AK8: variants seen among roughly 807,000 people sequenced by gnomAD.
AK8 encodes the protein adenylate kinase 8.
Under a neutral mutation model 54.6 loss-of-function variants are expected in AK8, and 44 were observed. The ratio of observed to expected loss-of-function variants is 0.81; its 90% CI spans 0.63 to 1.04. The LOEUF is 1.04. AK8 is among the 50% of genes least tolerant of loss of function. The pLI is 0.00. For missense variants in AK8, 555 were observed against 613.6 expected (o/e 0.90, Z 1.01); for synonymous variants, 239 against 245.6 (o/e 0.97, Z 0.25).
At chr9:132,839,824 G>GGT (rs200009863) in intron 5 of AK8, among the ~76,000 whole-genome samples, 2 of 147,588 alleles carry the variant, frequency 1.4e-5, no homozygotes, top group Non-Finnish European at 3.0e-5. Flanking sequence ...TTTTGCCGGG[G>GGT]GGGGGGGCGC....
intron 11 of AK8, among the ~76,000 whole-genome samples, chr9:132,764,433 C>T (rs1838631892): frequency 6.6e-6 from 1 of 151,870 alleles, no homozygotes; most frequent in South Asian, 2.1e-4. Flanking sequence ...GCTTGATTAA[C>T]AAGAAAAAAA....
Position 132,868,564 on chromosome 9 carries a change from G to A in AK8, c.170-1611C>T, listed in dbSNP as rs374764768. On this transcript the variant is annotated intron_variant, in intron 2 of 12. Coordinates refer to ENST00000298545, the MANE Select transcript of AK8 (RefSeq NM_152572.3). ...TTGTTCTCACTCCCTGTGGAGGCCC[G>A]TGATCAAGTGATGGGCTGCCACAGT... Among the ~76,000 whole-genome samples, 17 of 152,160 alleles carry A rather than the reference G, an allele frequency of 1.1e-4. No individual in the cohort carries two copies. The East Asian group carries it at 2.7e-3, about 24-fold the overall frequency.
At chr9:132,834,542 A>C (rs1842239056) in intron 5 of AK8, among the ~76,000 whole-genome samples, 2 of 152,204 alleles carry the variant, frequency 1.3e-5, no homozygotes, top group Admixed American at 1.3e-4. Flanking sequence ...TCCACATTCC[A>C]CATGTATGAC....
chr9:132,781,520 CG>C lies in AK8; in HGVS notation c.1121+11113del, dbSNP rs1564398220. 6.6e-6 allele frequency among the ~76,000 whole-genome samples: 1 copy of C among 151,952 alleles called. No individual in the cohort carries two copies. Among genetic ancestry groups the C allele is most frequent in the Non-Finnish European group, 1.5e-5 (1 of 68,014 alleles). ...ATACACTGAGTAGCTTACCCTTCCC[CG>C]ATAACTCTATTTACTAGTGTGAATA... On this transcript the variant is annotated intron_variant, in intron 11 of 12. Transcript: ENST00000298545. The surrounding 1 kb of genome is among the most constrained non-coding windows in gnomAD (Gnocchi z 4.6).
chr9:132,842,896 T>C (rs1842600651), intron 5 of AK8, among the ~76,000 whole-genome samples: 1 of 152,244 alleles, frequency 6.6e-6, no homozygotes, highest in Non-Finnish European at 1.5e-5. Context: ...AGACCAGCCA[T>C]GTGGGCTTCT....
At chr9:132,823,918 A>G (rs1194381644) in intron 8 of AK8, among the ~76,000 whole-genome samples, 1 of 152,242 alleles carries the variant, frequency 6.6e-6, no homozygotes, top group Non-Finnish European at 1.5e-5. Context: ...GGTGACACCA[A>G]CTTTGTTGCG....
chr9:132,736,483 T>C (rs1444026126), intron 11 of AK8, among the ~76,000 whole-genome samples: 1 of 148,838 alleles, frequency 6.7e-6, no homozygotes, highest in Non-Finnish European at 1.5e-5. Flanking sequence ...CCACTGTGCC[T>C]GGCCAATCAG....
intron 11 of AK8, among the ~76,000 whole-genome samples, chr9:132,787,077 G>A (rs1262788503): frequency 6.6e-6 from 1 of 151,978 alleles, no homozygotes; most frequent in Non-Finnish European, 1.5e-5. Flanking sequence ...AAAACAAAAA[G>A]CAGCAACTGA....
chr9:132,792,052 G>A (rs1020577536), intron 11 of AK8, among the ~76,000 whole-genome samples: 6 of 152,172 alleles, frequency 3.9e-5, no homozygotes, highest in Admixed American at 2.0e-4. Flanking sequence ...CTGCCAAAAC[G>A]CCAAGCAATG....
At chr9:132,853,127 C>T (rs946334619) in intron 5 of AK8, among the ~76,000 whole-genome samples, 4 of 151,824 alleles carry the variant, frequency 2.6e-5, no homozygotes, top group African/African-American at 4.8e-5. Flanking sequence ...GAGGCCAAGG[C>T]GGGTGGATCA....
At chr9:132,737,068 C>T (rs1251771011) in intron 11 of AK8, among the ~76,000 whole-genome samples, 1 of 151,866 alleles carries the variant, frequency 6.6e-6, no homozygotes, top group Non-Finnish European at 1.5e-5. Flanking sequence ...GATGTTTGTA[C>T]AACAATGTGA....
intron 11 of AK8, among the ~76,000 whole-genome samples, chr9:132,762,596 AC>A (rs1838531719): frequency 6.6e-6 from 1 of 152,134 alleles, no homozygotes; most frequent in Non-Finnish European, 1.5e-5. Context: ...AGTAACAGAA[AC>A]CCTGGTGAGC....
At chr9:132,735,573 G>A (rs752191541) in intron 11 of AK8, among the ~76,000 whole-genome samples, 3 of 152,072 alleles carry the variant, frequency 2.0e-5, no homozygotes, top group East Asian at 1.9e-4. Flanking sequence ...AACCCATAAA[G>A]TAAGTGTTGG....
intron 11 of AK8, among the ~76,000 whole-genome samples, chr9:132,759,961 C>T (rs1838375878): frequency 1.9e-5 from 1 of 52,810 alleles, no homozygotes; most frequent in Non-Finnish European, 3.8e-5. Context: ...GAACCACTAC[C>T]AACAATTTGG....
intron 10 of AK8, among the ~76,000 whole-genome samples, chr9:132,804,643 C>T (rs1485786147): frequency 3.3e-5 from 5 of 152,186 alleles, no homozygotes; most frequent in Non-Finnish European, 7.3e-5. Flanking sequence ...TGTCCCTCTG[C>T]TCCCATCTTG....
intron 9 of AK8, among the ~76,000 whole-genome samples, chr9:132,815,315 T>C (rs1841278380): frequency 6.6e-6 from 1 of 152,194 alleles, no homozygotes; most frequent in Non-Finnish European, 1.5e-5. Flanking sequence ...CCCAGCTTTT[T>C]GGCTGAGGCG....
chr9:132,848,097 C>A (rs974921744), intron 5 of AK8, among the ~76,000 whole-genome samples: 1 of 110,552 alleles, frequency 9.0e-6, no homozygotes, highest in Non-Finnish European at 1.7e-5. Context: ...GCCTGGGCAA[C>A]AGAGCAACAC....
At chr9:132,825,199 C>T (rs1841823285) in intron 8 of AK8, among the ~76,000 whole-genome samples, 1 of 152,194 alleles carries the variant, frequency 6.6e-6, no homozygotes, top group Non-Finnish European at 1.5e-5. Flanking sequence ...CAGACAGTCT[C>T]AACATCTAAT....
intron 5 of AK8, among the ~76,000 whole-genome samples, chr9:132,836,784 T>G (rs1842341894): frequency 6.6e-6 from 1 of 152,246 alleles, no homozygotes; most frequent in Non-Finnish European, 1.5e-5. Flanking sequence ...CTTGGCCAGC[T>G]GCCCTCTCTG....
Sources: allele counts gnomAD v4.1 joint callset (sites outside exome capture counted in the v4.1 genomes callset), GRCh38; gene constraint gnomAD v4.1.1; non-coding constraint Gnocchi (gnomAD v3.1); transcripts MANE v1.5; gene names NCBI Gene and HGNC (gene_info 2026-07-23, HGNC 2026-07-21).